PCYT1B: variants seen among roughly 807,000 people sequenced by gnomAD.
PCYT1B encodes choline-phosphate cytidylyltransferase B.
PCYT1B carries 10 observed loss-of-function variants against 26.4 expected under a neutral mutation model. That is an observed-to-expected ratio of 0.38 (90% CI 0.23 to 0.64). The LOEUF is 0.64. Ranked by LOEUF, PCYT1B falls within the 30% of genes least tolerant of loss-of-function variation. The pLI is 0.56. For synonymous variants in PCYT1B, 131 were observed against 108.4 expected, an observed-to-expected ratio of 1.21 and a Z score of -1.29; for missense variants, 161 against 292.7, an observed-to-expected ratio of 0.55 and a Z score of 3.28.
At chrX:24,614,401 T>C (rs1236335798) in intron 2 of PCYT1B, among the ~76,000 whole-genome samples, 1 of 111,447 alleles carries the variant, frequency 9.0e-6, no homozygotes, top group Non-Finnish European at 1.9e-5. Context: ...AGTCCAGTTA[T>C]AGCTATAATC....
chrX:24,641,064 G>T (rs1926451786), intron 1 of PCYT1B, among the ~76,000 whole-genome samples: 1 of 111,555 alleles, frequency 9.0e-6, no homozygotes, highest in Non-Finnish European at 1.9e-5. Context: ...CTCCCAAGTA[G>T]CTGGGATTAC....
At chrX:24,575,896 T>C (rs1375239843) in intron 6 of PCYT1B, among the ~76,000 whole-genome samples, 2 of 112,784 alleles carry the variant, frequency 1.8e-5, no homozygotes, top group Non-Finnish European at 3.7e-5. Context: ...GCTTTTGTGC[T>C]GATAGTTTCT....
chrX:24,609,866 G>A (rs1004561276), intron 2 of PCYT1B, among the ~76,000 whole-genome samples: 3 of 111,380 alleles, frequency 2.7e-5, no homozygotes, highest in Non-Finnish European at 5.7e-5. Context: ...TGAGGCAGGG[G>A]TGGATCACTT....
At chrX:24,605,224 C>A (rs902189972) in intron 3 of PCYT1B, among the ~76,000 whole-genome samples, 11 of 111,600 alleles carry the variant, frequency 9.9e-5, no homozygotes, top group Non-Finnish European at 1.9e-4. Context: ...TATGGAAAGC[C>A]TCCTTAAGAT....
At chrX:24,642,301 G>A (rs892468080) in intron 1 of PCYT1B, among the ~76,000 whole-genome samples, 2 of 112,218 alleles carry the variant, frequency 1.8e-5, no homozygotes, top group Non-Finnish European at 3.8e-5. Context: ...GATGGTAGGG[G>A]TTGGTAAGGA....
chrX:24,650,092 G>A (rs1926731783), upstream of PCYT1B: 1 of 111,803 alleles, frequency 8.9e-6, no homozygotes, highest in Non-Finnish European at 1.9e-5. Context: ...CACCCACTTT[G>A]GAGACCAGTC....
chrX:24,592,085 C>T (rs1924585573), intron 3 of PCYT1B, among the ~76,000 whole-genome samples: 1 of 111,591 alleles, frequency 9.0e-6, no homozygotes, highest in South Asian at 3.8e-4. Context: ...AACCACTGTT[C>T]TACTCTCTGT....
chrX:24,630,866 A>G (rs1237144119), intron 1 of PCYT1B, among the ~76,000 whole-genome samples: 4 of 112,104 alleles, frequency 3.6e-5, no homozygotes, highest in Non-Finnish European at 7.5e-5. Context: ...CTGTAGTAAC[A>G]TCGGTACTGA....
chrX:24,605,622 T>C (rs947536994), intron 3 of PCYT1B, among the ~76,000 whole-genome samples: 1 of 111,901 alleles, frequency 8.9e-6, no homozygotes, highest in Non-Finnish European at 1.9e-5. Flanking sequence ...AAGAGTTCAA[T>C]AAAGAGTTGT....
chrX:24,638,095 C>CAGT (rs1926350859), intron 1 of PCYT1B, among the ~76,000 whole-genome samples: 1 of 52,592 alleles, frequency 1.9e-5, no homozygotes, highest in African/African-American at 1.0e-4. Context: ...TAACCTATTA[C>CAGT]CGTTGTTATT....
intron 1 of PCYT1B, among the ~76,000 whole-genome samples, chrX:24,668,717 G>T (rs765305351): frequency 9.2e-6 from 1 of 108,309 alleles, no homozygotes; most frequent in South Asian, 4.1e-4. Context: ...CCTTGCCTTT[G>T]GATATAAACC....
chrX:24,564,402 G>C (rs1923549928), intron 7 of PCYT1B, among the ~76,000 whole-genome samples: 1 of 107,689 alleles, frequency 9.3e-6, no homozygotes, highest in Non-Finnish European at 1.9e-5. Context: ...AGTCTTGCTG[G>C]AGTGCAGTGG....
chrX:24,575,256 C>T lies in PCYT1B; in HGVS notation c.771G>A (p.Glu257=). Residue 257 remains glutamate, a synonymous_variant, in exon 7 of 8, where the codon GAG becomes GAA. Coordinates refer to ENST00000379144, the MANE Select transcript of PCYT1B (RefSeq NM_004845.5). ...TGTTCACAAATTCCTTTGATCTTTC[C>T]TCCACATTCTTGACTTTTTCCTTCA... ...DKMKEKVKNV[E]ERSKEFVNRV... The T allele has an allele frequency of 1.7e-6, 2 of 1,206,428 alleles. No homozygotes were observed.
chrX:24,618,900 G>C, intron 2 of PCYT1B, 85 bp downstream of exon 2: 1 of 580,868 alleles, frequency 1.7e-6, no homozygotes, highest in Non-Finnish European at 2.6e-6. Context: ...TGGGATCACA[G>C]GCATGAGCCA....
chrX:24,672,747 G>A, upstream of PCYT1B: 1 of 546,502 alleles, frequency 1.8e-6, no homozygotes, highest in South Asian at 3.1e-5. Flanking sequence ...GGCTCTCTGT[G>A]CCCAGCGCTC....
Position 24,570,138 on chromosome X carries a change from G to A in PCYT1B, c.897+4992C>T, listed in dbSNP as rs745487931. Among the ~76,000 whole-genome samples, 9 of 94,972 alleles carry A rather than the reference G, an allele frequency of 9.5e-5. No individual in the cohort carries two copies. The Admixed American group carries it at 1.1e-3, about 12-fold the overall frequency. The allele number at this position is 94,972 out of a possible 115,157, so 82.5% of individuals were successfully genotyped here. A position where few individuals can be genotyped will look rare whatever the true frequency, so the allele number is the denominator to read the frequency against. On this transcript the variant is annotated intron_variant, in intron 7 of 7. Coordinates refer to ENST00000379144, the MANE Select transcript of PCYT1B (RefSeq NM_004845.5). Reference sequence around the variant, plus strand: ...GGAGGTGGAGGTTGCAGTGAGCTGAGATCACACCATCGCACTCCAGCCTGG... The same window carrying A: ...GGAGGTGGAGGTTGCAGTGAGCTGAAATCACACCATCGCACTCCAGCCTGG...
At chrX:24,581,915 C>A (rs750361998) in intron 5 of PCYT1B, among the ~76,000 whole-genome samples, 12 of 112,695 alleles carry the variant, frequency 1.1e-4, no homozygotes, top group South Asian at 3.7e-4. Context: ...ATGTTAGAGA[C>A]AAAACATCCA....
At chrX:24,631,930 CA>C (rs34733241) in intron 1 of PCYT1B, among the ~76,000 whole-genome samples, 35 of 97,500 alleles carry the variant, frequency 3.6e-4, no homozygotes, top group African/African-American at 6.4e-4. Context: ...AAGACTGTCT[CA>C]AAAAAAAAAA....
upstream of PCYT1B, among the ~76,000 whole-genome samples, chrX:24,648,448 A>ATTTT (rs1189695885): frequency 2.0e-4 from 7 of 34,539 alleles, no homozygotes; most frequent in East Asian, 1.2e-3. Flanking sequence ...GATTTGAAGG[A>ATTTT]ATTTTTTTTT....
Sources: gnomAD v4.1 joint callset for allele counts (sites outside exome capture counted in the v4.1 genomes callset) on GRCh38, gnomAD v4.1.1 for gene constraint, MANE v1.5 for transcripts, NCBI Gene and HGNC (gene_info 2026-07-23, HGNC 2026-07-21) for gene names.